ZMYND11: variants seen among roughly 807,000 people sequenced by gnomAD.
ZMYND11 encodes the protein zinc finger MYND-type containing 11.
A neutral mutation model predicts 84.9 loss-of-function variants in ZMYND11; 9 were observed. That is an observed-to-expected ratio of 0.11 (90% CI 0.06 to 0.18). The LOEUF is 0.18. Ranked by LOEUF, ZMYND11 falls within the 10% of genes least tolerant of loss-of-function variation. The pLI is 1.00. For missense variants in ZMYND11, 409 were observed against 761.0 expected, an observed-to-expected ratio of 0.54 and a Z score of 5.44; for synonymous variants, 250 against 244.1, an observed-to-expected ratio of 1.02 and a Z score of -0.23.
intron 2 of ZMYND11, among the ~76,000 whole-genome samples, chr10:185,772 G>A (rs1316250052): frequency 1.5e-4 from 20 of 132,336 alleles, no homozygotes; most frequent in African/African-American, 3.9e-4. Context: ...TCAAGATTGC[G>A]CAATTGCACT....
At chr10:197,663 A>C (rs1397127394) in intron 2 of ZMYND11, among the ~76,000 whole-genome samples, 1 of 152,206 alleles carries the variant, frequency 6.6e-6, no homozygotes, top group African/African-American at 2.4e-5. Context: ...AATAGTACTA[A>C]AACCAGAAAG....
chr10:206,025 T>G (rs72653009), intron 2 of ZMYND11, among the ~76,000 whole-genome samples: 8 of 151,980 alleles, frequency 5.3e-5, no homozygotes, highest in Non-Finnish European at 7.4e-5. Flanking sequence ...TTTTTTTTTT[T>G]TTTTTGTTTC....
chr10:248,194 A>T, intron 12 of ZMYND11, 142 bp from the exon 13 acceptor site: 1 of 1,038,490 alleles, frequency 9.6e-7, no homozygotes, highest in Non-Finnish European at 1.4e-6. Context: ...CGTGACATCT[A>T]CCACCCTAAC....
chr10:162,056 T>C (rs1843047996), intron 1 of ZMYND11, among the ~76,000 whole-genome samples: 1 of 152,220 alleles, frequency 6.6e-6, no homozygotes, highest in South Asian at 2.1e-4. Flanking sequence ...TGACTTAAAG[T>C]GAGAGAGATG....
At chr10:175,040 G>A (rs925851946) in intron 1 of ZMYND11, among the ~76,000 whole-genome samples, 16 of 150,806 alleles carry the variant, frequency 1.1e-4, no homozygotes, top group African/African-American at 3.9e-4. Flanking sequence ...TCATTCATAC[G>A]TTGGTCAGAA....
chr10:178,263 TAC>T (rs1390393351), intron 1 of ZMYND11, among the ~76,000 whole-genome samples: 3 of 152,254 alleles, frequency 2.0e-5, no homozygotes, highest in Non-Finnish European at 4.4e-5. Flanking sequence ...TCGCCGTTTA[TAC>T]AGTTTTAACT....
At chr10:240,153 A>AAATT (rs1255177186) in intron 8 of ZMYND11, 42 bp downstream of exon 8, 2 of 1,434,182 alleles carry the variant, frequency 1.4e-6, no homozygotes, top group African/African-American at 2.9e-5. Flanking sequence ...TCTATAACTG[A>AAATT]AATTAATTTA....
chr10:247,419 A>C lies in ZMYND11; in HGVS notation c.1180A>C (p.Arg394=). ...ACAGCTAAAGGTCACTCAAGAACCA[A>C]GAGCAAAGAAAGGACGACGTAATCA... ...NEQLKVTQEP[R]AKKGRRNQSV... is the part of the protein sequence containing the mutation. The change falls in exon 12 of 15, where the codon AGA becomes CGA. Residue 394 remains arginine (R), a synonymous_variant. Transcript: ENST00000381604. The C allele has an allele frequency of 6.2e-7, 1 of 1,614,196 alleles. No individual in the cohort carries two copies. The highest frequency in any genetic ancestry group is 1.3e-5 in the African/African-American group (1 of 75,070).
intron 1 of ZMYND11, among the ~76,000 whole-genome samples, chr10:161,024 C>G (rs1842848993): frequency 7.2e-6 from 1 of 138,834 alleles, no homozygotes; most frequent in African/African-American, 2.8e-5. Context: ...TGCAGTGGCA[C>G]AAACAGGGCT....
intron 1 of ZMYND11, among the ~76,000 whole-genome samples, chr10:177,750 G>C (rs1241993807): frequency 6.6e-6 from 1 of 151,962 alleles, no homozygotes; most frequent in East Asian, 1.9e-4. Flanking sequence ...TTTACAAGTT[G>C]ACTTGTTACC....
At chr10:246,742 T>C in intron 10 of ZMYND11, 24 bp from the exon 11 acceptor site, 1 of 1,611,516 alleles carries the variant, frequency 6.2e-7, no homozygotes. Flanking sequence ...TGTTTCTAAC[T>C]ATACCTTTAT....
intron 1 of ZMYND11, among the ~76,000 whole-genome samples, chr10:137,596 A>T (rs1377187359): frequency 2.6e-5 from 4 of 152,120 alleles, no homozygotes; most frequent in African/African-American, 9.7e-5. Context: ...TCAGGGAGAT[A>T]GTGTTGGTTG....
intron 3 of ZMYND11, among the ~76,000 whole-genome samples, chr10:211,030 A>G (rs1447972577): frequency 6.6e-6 from 1 of 151,888 alleles, no homozygotes; most frequent in Non-Finnish European, 1.5e-5. Flanking sequence ...CATCTCTACA[A>G]AAAAATAAAA....
intron 2 of ZMYND11, among the ~76,000 whole-genome samples, chr10:186,185 G>A (rs1446052734): frequency 6.6e-6 from 1 of 151,270 alleles, no homozygotes; most frequent in Non-Finnish European, 1.5e-5. Context: ...AATTTTTTTT[G>A]TATTTTTAGT....
At position 239,541 on chromosome 10, in the gene ZMYND11, T is replaced by G. The variant is rs112588695; in HGVS notation, c.697+16T>G. On this transcript the variant is annotated intron_variant, in intron 7 of 14. Coordinates refer to ENST00000381604, the MANE Select transcript of ZMYND11 (RefSeq NM_001370100.5). The stretch of plus-strand genomic sequence containing the variant: ...TTCTATGGAGGTTGAATATTTTTGT[T>G]TTTTTTGTATGCATTTTTAAACACA... 4.6e-4 allele frequency: 226 copies of G among 496,242 alleles called. 1 individual carries two copies. In the African/African-American group the frequency reaches 5.1e-3, roughly 11 times the overall value. 30.7% of individuals were successfully genotyped at this position (496,242 alleles called of 1,614,324 possible). A position where few individuals can be genotyped will look rare whatever the true frequency, so the allele number is the denominator to read the frequency against.
intron 8 of ZMYND11, 27 bp from the exon 9 acceptor site, chr10:240,866 G>A (rs181273055): frequency 5.0e-5 from 78 of 1,571,622 alleles, no homozygotes; most frequent in Non-Finnish European, 6.3e-5. Context: ...TTTTATGTAG[G>A]CTAAAGTAGT....
At chr10:175,947 A>T (rs1469696321) in intron 1 of ZMYND11, among the ~76,000 whole-genome samples, 2 of 152,216 alleles carry the variant, frequency 1.3e-5, no homozygotes, top group Non-Finnish European at 2.9e-5. Context: ...GAATTTTCAC[A>T]CTGTGCTCCT....
intron 3 of ZMYND11, among the ~76,000 whole-genome samples, chr10:210,664 AT>A (rs1175279432): frequency 2.0e-5 from 3 of 152,182 alleles, no homozygotes; most frequent in Non-Finnish European, 4.4e-5. Flanking sequence ...AAATGTTGAT[AT>A]TTTAATCTGC....
intron 4 of ZMYND11, among the ~76,000 whole-genome samples, chr10:222,860 C>T (rs948846415): frequency 2.6e-5 from 4 of 151,974 alleles, no homozygotes; most frequent in Non-Finnish European, 5.9e-5. Flanking sequence ...ATAACTTAAA[C>T]GAAAATACTG....
Sources: gnomAD v4.1 joint callset for allele counts (sites outside exome capture counted in the v4.1 genomes callset) on GRCh38, gnomAD v4.1.1 for gene constraint, MANE v1.5 for transcripts, NCBI Gene and HGNC (gene_info 2026-07-23, HGNC 2026-07-21) for gene names.